The following APBA2 variants were observed in gnomAD, a reference collection of about 807,000 sequenced individuals.
APBA2 encodes amyloid-beta A4 precursor protein-binding family A member 2.
Under a neutral mutation model 75.0 loss-of-function variants are expected in APBA2, and 30 were observed. That is an observed-to-expected ratio of 0.40 (90% CI 0.30 to 0.54). The LOEUF (loss-of-function observed/expected upper bound fraction) is 0.54. Ranked by LOEUF, APBA2 falls within the 20% of genes least tolerant of loss-of-function variation. The pLI, the probability that APBA2 is intolerant of heterozygous loss-of-function variation, is 0.49. For synonymous variants in APBA2, 444 were observed against 409.6 expected (o/e 1.08, Z -1.01); for missense variants, 801 against 1,016.1 (o/e 0.79, Z 2.88).
intron 3 of APBA2, among the ~76,000 whole-genome samples, chr15:29,050,966 T>A (rs947925460): frequency 3.9e-5 from 5 of 126,966 alleles, no homozygotes; most frequent in Non-Finnish European, 6.1e-5. Flanking sequence ...CATCTGCCCT[T>A]TGCCGTCCTG....
intron 2 of APBA2, among the ~76,000 whole-genome samples, chr15:28,960,571 C>CG (rs1401029168): frequency 1.3e-5 from 2 of 151,754 alleles, no homozygotes; most frequent in African/African-American, 2.4e-5. Context: ...TGGTGGTCTG[C>CG]GGGGGGCAGA....
At position 29,043,002 on chromosome 15, in the gene APBA2, T is replaced by C. The variant is rs527778390; in HGVS notation, c.-40-10843T>C. Reference sequence around the variant, plus strand: ...CAGGAGCAAACATGACATGCAGAGGTAGACTTTGCCAAGGCACCGCTATTT... The same window carrying C: ...CAGGAGCAAACATGACATGCAGAGGCAGACTTTGCCAAGGCACCGCTATTT... On this transcript the variant is annotated intron_variant, in intron 3 of 14. Transcript: ENST00000683413. 4.6e-5 allele frequency among the ~76,000 whole-genome samples: 7 copies of C among 152,228 alleles called. No individual in the cohort carries two copies. The East Asian group carries it at 1.2e-3, about 25-fold the overall frequency.
intron 8 of APBA2, among the ~76,000 whole-genome samples, chr15:29,095,233 G>A (rs1358920069): frequency 6.6e-6 from 1 of 152,162 alleles, no homozygotes; most frequent in East Asian, 1.9e-4. Flanking sequence ...TTCGAGATTA[G>A]CCTGACCAAC....
intron 3 of APBA2, among the ~76,000 whole-genome samples, chr15:29,045,103 CG>C (rs768071949): frequency 1.2e-3 from 167 of 140,094 alleles, no homozygotes; most frequent in East Asian, 6.6e-3. Context: ...CTCTCTCTCT[CG>C]TCTCGCACTG....
chr15:29,034,693 G>A (rs190007236), intron 3 of APBA2, among the ~76,000 whole-genome samples: 2 of 152,338 alleles, frequency 1.3e-5, no homozygotes, highest in East Asian at 3.9e-4. Flanking sequence ...TATTCAGAAT[G>A]AATGAAGTGT....
chr15:28,982,402 A>T (rs1595638348), intron 2 of APBA2, among the ~76,000 whole-genome samples: 1 of 152,192 alleles, frequency 6.6e-6, no homozygotes, highest in African/African-American at 2.4e-5. Context: ...TACCCATCCT[A>T]TGGTGACATA....
intron 6 of APBA2, among the ~76,000 whole-genome samples, chr15:29,087,388 C>T (rs145261255): frequency 8.9e-4 from 136 of 152,344 alleles, no homozygotes; most frequent in Non-Finnish European, 1.9e-3. Context: ...CCCTGACTCT[C>T]TGTTGTGGCT....
At chr15:28,890,517 A>C (rs943254077) in intron 1 of APBA2, among the ~76,000 whole-genome samples, 1 of 152,162 alleles carries the variant, frequency 6.6e-6, no homozygotes, top group Non-Finnish European at 1.5e-5. Flanking sequence ...ACTCTGCTTT[A>C]CCTTCCAGAA....
At chr15:29,005,960 C>T (rs954526849) in intron 3 of APBA2, among the ~76,000 whole-genome samples, 7 of 152,128 alleles carry the variant, frequency 4.6e-5, no homozygotes, top group African/African-American at 1.7e-4. Flanking sequence ...CAGGCAAAGC[C>T]ACCAGCCAAC....
At chr15:29,056,163 G>A (rs540053103) in intron 4 of APBA2, among the ~76,000 whole-genome samples, 15 of 152,344 alleles carry the variant, frequency 9.8e-5, no homozygotes, top group South Asian at 8.3e-4. Context: ...TCTTTAGAGC[G>A]TGGTGGGGAG....
chr15:29,053,443 G>T (rs777022953), intron 3 of APBA2, among the ~76,000 whole-genome samples: 5 of 152,108 alleles, frequency 3.3e-5, no homozygotes, highest in Non-Finnish European at 7.4e-5. Flanking sequence ...CCTCCTCATT[G>T]GTCCTCATTA....
intron 8 of APBA2, among the ~76,000 whole-genome samples, chr15:29,094,996 G>A (rs2043781215): frequency 6.6e-6 from 1 of 151,918 alleles, no homozygotes; most frequent in Non-Finnish European, 1.5e-5. Flanking sequence ...GAGCCTGGGA[G>A]TTTGAGGCTG....
At chr15:29,094,105 C>T (rs1320486699) in intron 7 of APBA2, among the ~76,000 whole-genome samples, 173 bp from the exon 8 acceptor site, 2 of 152,258 alleles carry the variant, frequency 1.3e-5, no homozygotes, top group African/African-American at 2.4e-5. Flanking sequence ...GTGTGGGCTT[C>T]TCTTGGTCAG....
chr15:28,933,183 C>T (rs1460820153), intron 2 of APBA2, among the ~76,000 whole-genome samples: 2 of 152,146 alleles, frequency 1.3e-5, no homozygotes, highest in Non-Finnish European at 2.9e-5. Flanking sequence ...TCTCACTTCT[C>T]AACATTGTTG....
intron 1 of APBA2, among the ~76,000 whole-genome samples, chr15:28,909,984 C>G (rs1405233088): frequency 6.6e-6 from 1 of 152,134 alleles, no homozygotes; most frequent in African/African-American, 2.4e-5. Flanking sequence ...GCTTGCAAAA[C>G]TCACCTCTCA....
chr15:29,091,350 C>T (rs560149072), intron 6 of APBA2, among the ~76,000 whole-genome samples: 1 of 152,252 alleles, frequency 6.6e-6, no homozygotes, highest in South Asian at 2.1e-4. Context: ...AGACCCACTA[C>T]TGCCCAGGAA....
chr15:29,093,665 A>C (rs1346144520), intron 7 of APBA2, among the ~76,000 whole-genome samples: 1 of 152,196 alleles, frequency 6.6e-6, no homozygotes, highest in East Asian at 1.9e-4. Context: ...GGTTTTGAAC[A>C]TCGGGTGAGG....
At chr15:29,009,114 A>G (rs541608388) in intron 3 of APBA2, among the ~76,000 whole-genome samples, 1 of 152,334 alleles carries the variant, frequency 6.6e-6, no homozygotes, top group Admixed American at 6.5e-5. Flanking sequence ...TCTGACTCAC[A>G]GAAGTTAGGG....
chr15:29,067,313 T>G (rs1399957798), intron 4 of APBA2, among the ~76,000 whole-genome samples: 2 of 152,078 alleles, frequency 1.3e-5, no homozygotes, highest in Non-Finnish European at 2.9e-5. Context: ...TCAAAACTAT[T>G]TAGATGTAGC....
Sources: gnomAD v4.1 joint callset for allele counts (sites outside exome capture counted in the v4.1 genomes callset) on GRCh38, gnomAD v4.1.1 for gene constraint, MANE v1.5 for transcripts, NCBI Gene and HGNC (gene_info 2026-07-23, HGNC 2026-07-21) for gene names.